TSC2: variants seen among roughly 807,000 people sequenced by gnomAD.
The protein encoded by TSC2 is TSC complex subunit 2.
TSC2 carries 29 observed loss-of-function variants against 202.2 expected under a neutral mutation model. The ratio of observed to expected loss-of-function variants is 0.14; its 90% CI spans 0.11 to 0.20. The LOEUF is 0.20. TSC2 is among the 10% of genes least tolerant of loss of function. The pLI is 1.00. For synonymous variants in TSC2, 1,349 were observed against 1,044.0 expected, an observed-to-expected ratio of 1.29 and a Z score of -5.63; for missense variants, 2,429 against 2,420.0, an observed-to-expected ratio of 1.00 and a Z score of -0.08.
Position 2,088,561 on chromosome 16 carries a change from A to G in TSC2, c.5375A>G (p.Gln1792Arg). 1 of 1,610,784 alleles carries G rather than the reference A, an allele frequency of 6.2e-7. No individual in the cohort carries two copies. Among genetic ancestry groups the G allele is most frequent in the Non-Finnish European group, 8.5e-7 (1 of 1,179,928 alleles). The change falls in exon 42 of 42, where the codon CAG (glutamine) becomes CGG (arginine). Residue 1792 changes from glutamine to arginine, a missense_variant. Physicochemically the swap from Gln to Arg is conservative, Grantham distance 43. Coordinates refer to ENST00000219476, the MANE Select transcript of TSC2 (RefSeq NM_000548.5). Reference sequence around the variant, plus strand: ...CCCACACCTGGCTATGAGGTGGGCCAGCGGAAGCGCCTCATCTCCTCGGTG... The same window carrying G: ...CCCACACCTGGCTATGAGGTGGGCCGGCGGAAGCGCCTCATCTCCTCGGTG... ...AEPTPGYEVG[Q>R]RKRLISSVED...
rs1474263055 is a variant in TSC2, at chr16:2,070,290, T to C, written c.1717-166T>C. On this transcript the variant is annotated intron_variant, in intron 16 of 41. Transcript: ENST00000219476. ...GGGCACGAGGTTGGGTTTTACTTTT[T>C]GCTGCTGTGGAGAGAGAGTCCTGGT... Among the ~76,000 whole-genome samples, 5 of 152,122 alleles carry C rather than the reference T, an allele frequency of 3.3e-5. 1 individual carries two copies. Among genetic ancestry groups the C allele is most frequent in the African/African-American group, 1.2e-4 (5 of 41,350 alleles).
chr16:2,069,076 C>T (rs763787724), intron 16 of TSC2, among the ~76,000 whole-genome samples: 2 of 151,992 alleles, frequency 1.3e-5, no homozygotes, highest in Non-Finnish European at 2.9e-5. Context: ...TGAAGGCCAG[C>T]CTCGTGCTGT....
At position 2,054,314 on chromosome 16, in the gene TSC2, C is replaced by T. The variant is rs1596264734; in HGVS notation, c.355C>T (p.Leu119Phe). ...VQGQGERLGV[L>F]RALFFKVIKD... ...TCTTTAGGGCGAGCGTTTGGGGGTC[C>T]TCAGAGCCCTCTTCTTTAAGGTCAT... Residue 119 changes from leucine to phenylalanine, a missense_variant, in exon 5 of 42, where the codon CTC becomes TTC. Physicochemically the swap from Leu to Phe is conservative, Grantham distance 22. Coordinates refer to ENST00000219476, the MANE Select transcript of TSC2 (RefSeq NM_000548.5). The T allele has an allele frequency of 6.2e-7, 1 of 1,614,208 alleles. No homozygotes were observed. Among genetic ancestry groups the T allele is most frequent in the Non-Finnish European group, 8.5e-7 (1 of 1,180,034 alleles).
intron 30 of TSC2, 65 bp downstream of exon 30, chr16:2,080,442 A>T: frequency 6.4e-7 from 1 of 1,574,002 alleles, no homozygotes; most frequent in Non-Finnish European, 8.7e-7. Context: ...GTGGACACTC[A>T]GGGGCGATTG....
intron 36 of TSC2, among the ~76,000 whole-genome samples, chr16:2,085,665 C>A (rs2090682696): frequency 6.6e-6 from 1 of 152,152 alleles, no homozygotes; most frequent in African/African-American, 2.4e-5. Context: ...TGGGGGCATC[C>A]CACACACCAG....
At position 2,055,271 on chromosome 16, in the gene TSC2, T is replaced by C. The variant is rs989770414; in HGVS notation, c.482-131T>C. ...CGGGCCCAGTGCGTGGTCTGTCTGT[T>C]GCTGCCGGGGGACTGATGATGGGGT... On this transcript the variant is annotated intron_variant, in intron 5 of 41. Transcript: ENST00000219476. The C allele has an allele frequency of 3.8e-6, 3 of 796,240 alleles. No individual in the cohort carries two copies. The Admixed American group carries it at 5.4e-5, about 14-fold the overall frequency. 49.3% of individuals were successfully genotyped at this position (796,240 alleles called of 1,614,324 possible).
rs751955670 is a variant in TSC2 at position 2,079,337 on chromosome 16, A to C, written c.3193A>C (p.Lys1065Gln). 2 of 1,612,876 alleles carry C rather than the reference A, an allele frequency of 1.2e-6. No individual in the cohort carries two copies. Among genetic ancestry groups the C allele is most frequent in the Admixed American group, 3.3e-5 (2 of 60,006 alleles). The change falls in exon 28 of 42, where the codon AAG (lysine) becomes CAG (glutamine). Residue 1065 changes from lysine (K) to glutamine (Q), a missense_variant. Transcript: ENST00000219476. This position sits in a 1 kb window ranked among gnomAD's most constrained non-coding sequence, Gnocchi z 4.6. ...GACCAAAACCTGGCTGGTTGGGAACAAGCTTGTCACTGTGACGACAAGCGT... is the reference window on the plus strand; with the variant it reads ...GACCAAAACCTGGCTGGTTGGGAACCAGCTTGTCACTGTGACGACAAGCGT... ...GRTKTWLVGN[K>Q]LVTVTTSVGT... is the part of the protein sequence containing the mutation.
At position 2,056,526 on chromosome 16, in the gene TSC2, A is replaced by G. The variant is rs985614043; in HGVS notation, c.649-118A>G. ...CCCTGTGGCTTGGAGAGAGGGTGCC[A>G]TGGCAGCGGGGAGAGGTGGCAGCGC... is the stretch of plus-strand genomic sequence containing the variant. On this transcript the variant is annotated intron_variant, in intron 7 of 41. Coordinates refer to ENST00000219476, the MANE Select transcript of TSC2 (RefSeq NM_000548.5). 6 of 1,454,692 alleles carry G rather than the reference A, an allele frequency of 4.1e-6. No individual in the cohort carries two copies. The African/African-American group carries it at 5.6e-5, about 14-fold the overall frequency. The allele number at this position is 1,454,692 out of a possible 1,614,324, so 90.1% of individuals were successfully genotyped here. A position where few individuals can be genotyped will look rare whatever the true frequency, so the allele number is the denominator to read the frequency against.
chr16:2,068,198 C>G (rs1217462846), intron 16 of TSC2, among the ~76,000 whole-genome samples: 6 of 152,164 alleles, frequency 3.9e-5, no homozygotes, highest in African/African-American at 1.4e-4. Flanking sequence ...CACCACCACA[C>G]CTGGCTAATT....
At chr16:2,086,454 C>T (rs76029733) in intron 37 of TSC2, 75 bp downstream of exon 37, 40,574 of 1,553,742 alleles carry the variant, frequency 0.026, 654 homozygotes, top group East Asian at 0.046. Flanking sequence ...TGCTACCCCA[C>T]GCCCTGGGGC....
intron 3 of TSC2, 46 bp downstream of exon 3, chr16:2,050,532 T>C: frequency 6.4e-7 from 1 of 1,568,334 alleles, no homozygotes; most frequent in Non-Finnish European, 8.8e-7. Flanking sequence ...CGTAGACTAT[T>C]CAGAGCCTGA....
chr16:2,049,081 G>A (rs1177412299), intron 2 of TSC2, among the ~76,000 whole-genome samples: 2 of 151,158 alleles, frequency 1.3e-5, no homozygotes, highest in Admixed American at 6.6e-5. Flanking sequence ...GGAGAAGTAG[G>A]TTCTTTATTT....
chr16:2,086,717 C>G lies in TSC2; in HGVS notation c.4850-15C>G, dbSNP rs373982002. The G allele has an allele frequency of 6.2e-7, 1 of 1,608,932 alleles. No homozygotes were observed. Among genetic ancestry groups the G allele is most frequent in the Non-Finnish European group, 8.5e-7 (1 of 1,179,924 alleles). On this transcript the variant is annotated splice_polypyrimidine_tract_variant and intron_variant, in intron 37 of 41. Coordinates refer to ENST00000219476, the MANE Select transcript of TSC2 (RefSeq NM_000548.5). ...CACTGGCCCCACAAACCCATCCGGC[C>G]CTGCTCACCCTCAGCCGTCTTCCAC...
At chr16:2,056,379 G>T in intron 7 of TSC2, 135 bp downstream of exon 7, 1 of 1,298,210 alleles carries the variant, frequency 7.7e-7, no homozygotes, top group East Asian at 2.5e-5. Flanking sequence ...CTGAGCCTCA[G>T]GAGTCCCCCA....
intron 10 of TSC2, 144 bp from the exon 11 acceptor site, chr16:2,060,526 C>G (rs2086493752): frequency 1.2e-5 from 17 of 1,401,110 alleles, no homozygotes; most frequent in South Asian, 8.2e-5. Flanking sequence ...GGCGCCCCAC[C>G]TGCTGTTTCT....
At chr16:2,086,561 C>T (rs2090820798) in intron 37 of TSC2, among the ~76,000 whole-genome samples, 171 bp from the exon 38 acceptor site, 1 of 152,156 alleles carries the variant, frequency 6.6e-6, no homozygotes, top group South Asian at 2.1e-4. Flanking sequence ...GGTGGCTTTG[C>T]GTCCCAAAGC....
chr16:2,072,649 A>G (rs779985176), intron 20 of TSC2, 200 bp from the exon 21 acceptor site: 3 of 884,582 alleles, frequency 3.4e-6, no homozygotes, highest in Non-Finnish European at 5.1e-6. Flanking sequence ...CGTGCCGTTC[A>G]CCTCACATTC....
rs959705365 is a variant in TSC2 at position 2,071,817 on chromosome 16, C to T, written c.1980C>T (p.Ser660=). 5.0e-6 allele frequency: 8 copies of T among 1,601,548 alleles called. No homozygotes were observed. Among genetic ancestry groups the T allele is most frequent in the South Asian group, 3.4e-5 (3 of 89,018 alleles). Residue 660 remains serine (S), a synonymous_variant, in exon 19 of 42, where the codon AGC becomes AGT. Transcript: ENST00000219476. The stretch of plus-strand genomic sequence containing the variant: ...AGAGAGGCTCTGAGAAGAAGACCAG[C>T]GGCCCCCTTTCTCCTCCCACAGGGC... The part of the protein sequence containing the change: ...EPERGSEKKT[S]GPLSPPTGPP...
rs1044030046 is a variant in TSC2, at chr16:2,072,245, C to T, written c.2102C>T (p.Ser701Phe). Residue 701 changes from serine to phenylalanine, a missense_variant, in exon 20 of 42, where the codon TCT becomes TTT. Physicochemically the swap from Ser to Phe is radical, Grantham distance 155. Transcript: ENST00000219476. ...TGACGCCTCCTCTCCTCGCAGGAGT[C>T]TGACTGGAAGGTGCTGAAGCTGGTT... ...RVLLQCLKQE[S>F]DWKVLKLVLG... 1 of 1,614,068 alleles carries T rather than the reference C, an allele frequency of 6.2e-7. No individual in the cohort carries two copies. Among genetic ancestry groups the T allele is most frequent in the African/African-American group, 1.3e-5 (1 of 75,068 alleles).
Sources: allele counts gnomAD v4.1 joint callset (sites outside exome capture counted in the v4.1 genomes callset), GRCh38; gene constraint gnomAD v4.1.1; non-coding constraint Gnocchi (gnomAD v3.1); transcripts MANE v1.5; gene names NCBI Gene and HGNC (gene_info 2026-07-23, HGNC 2026-07-21).